GRM3: variants seen among roughly 807,000 people sequenced by gnomAD.
The protein encoded by GRM3 is metabotropic glutamate receptor 3.
In GRM3, 26 loss-of-function variants were observed where a neutral mutation model predicts 70.5. The observed-to-expected ratio is 0.37, with a 90% CI of 0.27 to 0.51. The LOEUF (loss-of-function observed/expected upper bound fraction) is 0.51, where lower values mean the gene tolerates loss of function less well. Ranked by LOEUF, GRM3 falls within the 20% of genes least tolerant of loss-of-function variation. The pLI is 0.93. For missense variants in GRM3, 859 were observed against 1,123.8 expected (o/e 0.76, Z 3.37); for synonymous variants, 443 against 434.9 (o/e 1.02, Z -0.23).
At chr7:86,744,090 G>A (rs1041346259) in intron 1 of GRM3, among the ~76,000 whole-genome samples, 1 of 151,986 alleles carries the variant, frequency 6.6e-6, no homozygotes, top group Non-Finnish European at 1.5e-5. Flanking sequence ...CTCTAATCTA[G>A]CTCCTCTCCT....
At chr7:86,799,993 A>G (rs1797646253) in intron 3 of GRM3, among the ~76,000 whole-genome samples, 1 of 152,236 alleles carries the variant, frequency 6.6e-6, no homozygotes, top group East Asian at 1.9e-4. Context: ...AAACTCACTC[A>G]AAACCACACA....
intron 1 of GRM3, among the ~76,000 whole-genome samples, chr7:86,651,208 TC>T: frequency 6.6e-6 from 1 of 152,310 alleles, no homozygotes; most frequent in African/African-American, 2.4e-5. Context: ...ACACTTCTTT[TC>T]ACACAACCAA....
At chr7:86,790,689 C>G (rs1283143745) in intron 3 of GRM3, among the ~76,000 whole-genome samples, 2 of 152,168 alleles carry the variant, frequency 1.3e-5, no homozygotes, top group African/African-American at 4.8e-5. Flanking sequence ...TTCACTCCAG[C>G]CACCCTTGTT....
intron 1 of GRM3, among the ~76,000 whole-genome samples, chr7:86,696,704 G>A (rs1794826022): frequency 6.6e-6 from 1 of 152,072 alleles, no homozygotes. Context: ...AGTGGTGGTG[G>A]TGGTGGTGGT....
intron 1 of GRM3, among the ~76,000 whole-genome samples, chr7:86,718,251 A>G (rs1795368848): frequency 6.6e-6 from 1 of 152,000 alleles, no homozygotes; most frequent in Non-Finnish European, 1.5e-5. Context: ...TCATCCATGC[A>G]TGAATTCCAC....
intron 1 of GRM3, among the ~76,000 whole-genome samples, chr7:86,694,862 C>T (rs2116053366): frequency 6.6e-6 from 1 of 152,284 alleles, no homozygotes. Context: ...AGAAATAACT[C>T]TTATTTTCGC....
intron 1 of GRM3, among the ~76,000 whole-genome samples, chr7:86,660,668 C>G (rs1458159129): frequency 6.6e-6 from 1 of 151,672 alleles, no homozygotes; most frequent in Admixed American, 6.6e-5. Context: ...AAAATTATAT[C>G]TATTTTGAAT....
chr7:86,671,355 T>C (rs1398814191), intron 1 of GRM3, among the ~76,000 whole-genome samples: 3 of 152,226 alleles, frequency 2.0e-5, no homozygotes, highest in African/African-American at 7.2e-5. Context: ...TGTCAGATTT[T>C]TAATATTCAA....
intron 5 of GRM3, among the ~76,000 whole-genome samples, chr7:86,851,691 T>C (rs1476619507): frequency 6.6e-6 from 1 of 152,144 alleles, no homozygotes; most frequent in African/African-American, 2.4e-5. Context: ...GAAGGAAGAC[T>C]GACAGTCTGA....
At chr7:86,719,184 A>G (rs901056249) in intron 1 of GRM3, among the ~76,000 whole-genome samples, 6 of 152,174 alleles carry the variant, frequency 3.9e-5, no homozygotes, top group African/African-American at 1.4e-4. Flanking sequence ...TAATACAAAT[A>G]TACAGAAAAA....
chr7:86,727,985 A>G (rs762920710), intron 1 of GRM3, among the ~76,000 whole-genome samples: 55 of 152,204 alleles, frequency 3.6e-4, no homozygotes, highest in Non-Finnish European at 6.6e-4. Flanking sequence ...TTGCCAACCC[A>G]TGAGCTAAAC....
Position 86,765,467 on chromosome 7 carries a change from C to A in GRM3, c.322C>A (p.Gln108Lys). Residue 108 changes from glutamine to lysine, a missense_variant, in exon 2 of 6, where the codon CAA becomes AAA. Transcript: ENST00000361669. ...TCSRDTYALE[Q>K]SLEFVRASLT... Reference sequence around the variant, plus strand: ...TTCAAGGGATACCTATGCATTGGAGCAATCACTGGAGTTTGTCAGGGCATC... The same window carrying A: ...TTCAAGGGATACCTATGCATTGGAGAAATCACTGGAGTTTGTCAGGGCATC... 6 of 1,613,888 alleles carry A rather than the reference C, an allele frequency of 3.7e-6. No individual in the cohort carries two copies. The highest frequency in any genetic ancestry group is 5.1e-6 in the Non-Finnish European group (6 of 1,179,832).
chr7:86,688,145 A>C (rs988985063), intron 1 of GRM3, among the ~76,000 whole-genome samples: 1 of 151,690 alleles, frequency 6.6e-6, no homozygotes, highest in African/African-American at 2.4e-5. Flanking sequence ...TGTCAATTAC[A>C]CCTCAAAACT....
intron 1 of GRM3, among the ~76,000 whole-genome samples, chr7:86,709,898 G>A (rs1795152572): frequency 6.6e-6 from 1 of 152,192 alleles, no homozygotes; most frequent in East Asian, 1.9e-4. Context: ...AATTATCTTT[G>A]GATGACTTTA....
intron 3 of GRM3, among the ~76,000 whole-genome samples, chr7:86,833,421 A>T (rs868799850): frequency 8.1e-4 from 123 of 151,706 alleles, no homozygotes; most frequent in African/African-American, 1.9e-3. Context: ...TAATAAAGAA[A>T]AAAAAGAACT....
chr7:86,855,816 A>G (rs141066641), intron 5 of GRM3, among the ~76,000 whole-genome samples: 2 of 152,274 alleles, frequency 1.3e-5, no homozygotes, highest in East Asian at 1.9e-4. Flanking sequence ...AAGTCTGAAT[A>G]TGACTTTATA....
At chr7:86,716,910 T>C (rs1795330402) in intron 1 of GRM3, among the ~76,000 whole-genome samples, 1 of 151,854 alleles carries the variant, frequency 6.6e-6, no homozygotes, top group Admixed American at 6.6e-5. Context: ...GATTGATTTT[T>C]CCAGTGCAAG....
At chr7:86,790,427 T>A (rs1484802664) in intron 3 of GRM3, among the ~76,000 whole-genome samples, 1 of 152,220 alleles carries the variant, frequency 6.6e-6, no homozygotes, top group East Asian at 1.9e-4. Context: ...ATTTCTGTGA[T>A]AGCCTCCTAG....
chr7:86,763,308 G>T (rs758747979), intron 1 of GRM3, among the ~76,000 whole-genome samples: 2 of 152,146 alleles, frequency 1.3e-5, no homozygotes, highest in Non-Finnish European at 2.9e-5. Context: ...CAACCTGTCA[G>T]AAGAATGCTC....
Sources: allele counts gnomAD v4.1 joint callset (sites outside exome capture counted in the v4.1 genomes callset), GRCh38; gene constraint gnomAD v4.1.1; transcripts MANE v1.5; gene names NCBI Gene and HGNC (gene_info 2026-07-23, HGNC 2026-07-21).